EPHA6: variants seen among roughly 807,000 people sequenced by gnomAD.
The protein encoded by EPHA6 is ephrin type-A receptor 6.
Under a neutral mutation model 112.0 loss-of-function variants are expected in EPHA6, and 50 were observed. The ratio of observed to expected loss-of-function variants is 0.45; its 90% CI spans 0.36 to 0.56. EPHA6 has a LOEUF of 0.56. EPHA6 is among the 20% of genes least tolerant of loss of function. EPHA6 has a pLI of 0.00. For synonymous variants in EPHA6, 529 were observed against 490.7 expected (o/e 1.08, Z -1.03); for missense variants, 1,280 against 1,417.4 (o/e 0.90, Z 1.56).
chr3:97,069,121 T>A lies in EPHA6; in HGVS notation c.1114+81128T>A, dbSNP rs2046275193. 2.0e-5 allele frequency among the ~76,000 whole-genome samples: 3 copies of A among 152,252 alleles called. No homozygotes were observed. In the South Asian group the frequency reaches 6.2e-4, roughly 32 times the overall value. On this transcript the variant is annotated intron_variant, in intron 3 of 17. Coordinates refer to ENST00000389672, the MANE Select transcript of EPHA6 (RefSeq NM_001080448.3). ...TGTAACTTGTGACTACCCCACAGTT[T>A]AACTACTAATAGCCTACTCGACCAA...
intron 5 of EPHA6, among the ~76,000 whole-genome samples, chr3:97,348,782 G>T (rs1403467307): frequency 6.6e-6 from 1 of 152,002 alleles, no homozygotes; most frequent in Non-Finnish European, 1.5e-5. Flanking sequence ...AGGATAGTCT[G>T]GGAGCATAGA....
chr3:97,550,818 C>T (rs1370136553), intron 11 of EPHA6, among the ~76,000 whole-genome samples: 1 of 151,226 alleles, frequency 6.6e-6, no homozygotes, highest in Non-Finnish European at 1.5e-5. Context: ...TATTGCTAAA[C>T]ACACATTAAG....
Position 97,324,401 on chromosome 3 carries a change from C to CTTTTT in EPHA6, c.1606+80116_1606+80117insTTTTT. ...CAGATTCTAAGATTTCTTTGCTTTC[C>CTTTTT]TTCTTTTCTTTCTTTCTTTCTTTCT... On this transcript the variant is annotated intron_variant, in intron 5 of 17. Transcript: ENST00000389672. 8.5e-5 allele frequency among the ~76,000 whole-genome samples: 12 copies of CTTTTT among 141,298 alleles called. No homozygotes were observed. In the Admixed American group the frequency reaches 8.6e-4, roughly 10 times the overall value. The allele number at this position is 141,298 out of a possible 152,430, so 92.7% of individuals were successfully genotyped here.
At chr3:97,503,288 A>G (rs990575566) in intron 10 of EPHA6, among the ~76,000 whole-genome samples, 1 of 152,194 alleles carries the variant, frequency 6.6e-6, no homozygotes, top group African/African-American at 2.4e-5. Context: ...TGAAAGTTTT[A>G]CGGAACACAT....
intron 3 of EPHA6, among the ~76,000 whole-genome samples, chr3:97,110,806 G>A (rs1026917445): frequency 2.0e-5 from 3 of 152,018 alleles, no homozygotes; most frequent in Non-Finnish European, 4.4e-5. Context: ...TGGGGTTATA[G>A]GTGTGAGCCA....
chr3:97,203,991 A>C (rs1388059909), intron 3 of EPHA6, among the ~76,000 whole-genome samples: 1 of 152,168 alleles, frequency 6.6e-6, no homozygotes, highest in African/African-American at 2.4e-5. Context: ...AAAAATAATA[A>C]ATGAAAAAAA....
intron 3 of EPHA6, among the ~76,000 whole-genome samples, chr3:97,100,946 A>G (rs1410738776): frequency 1.3e-5 from 2 of 152,030 alleles, no homozygotes; most frequent in Admixed American, 1.3e-4. Context: ...CAGCATCTCT[A>G]TTACAGAATG....
intron 5 of EPHA6, among the ~76,000 whole-genome samples, chr3:97,371,636 A>G (rs1167743231): frequency 1.3e-5 from 2 of 152,180 alleles, no homozygotes; most frequent in Non-Finnish European, 2.9e-5. Flanking sequence ...AAAGAACAGG[A>G]TAACAGCAAT....
At chr3:97,581,544 T>A (rs1469295521) in intron 11 of EPHA6, among the ~76,000 whole-genome samples, 1 of 152,240 alleles carries the variant, frequency 6.6e-6, no homozygotes, top group Non-Finnish European at 1.5e-5. Context: ...GTGATAATTT[T>A]ACACATGATA....
intron 5 of EPHA6, among the ~76,000 whole-genome samples, chr3:97,298,886 A>G (rs1410760420): frequency 6.6e-6 from 1 of 152,152 alleles, no homozygotes; most frequent in Non-Finnish European, 1.5e-5. Flanking sequence ...ATCTACTCCT[A>G]ATAAATATAT....
intron 3 of EPHA6, among the ~76,000 whole-genome samples, chr3:97,083,985 T>A (rs2046806124): frequency 6.6e-6 from 1 of 150,480 alleles, no homozygotes; most frequent in Admixed American, 6.6e-5. Flanking sequence ...TAACAAACAG[T>A]ACAGTGAGTT....
At chr3:97,720,487 C>A in intron 15 of EPHA6, 77 bp downstream of exon 15, 1 of 1,345,790 alleles carries the variant, frequency 7.4e-7, no homozygotes, top group Non-Finnish European at 1.0e-6. Flanking sequence ...TGCCTTTTGT[C>A]CTCACTCAGA....
intron 8 of EPHA6, 107 bp downstream of exon 8, chr3:97,475,567 G>C: frequency 1.4e-6 from 1 of 734,140 alleles, no homozygotes; most frequent in Non-Finnish European, 2.2e-6. Flanking sequence ...CTGAGGTCGA[G>C]AGGGATCCCA....
intron 3 of EPHA6, among the ~76,000 whole-genome samples, chr3:97,177,565 G>T (rs1216915285): frequency 6.6e-6 from 1 of 151,584 alleles, no homozygotes; most frequent in Admixed American, 6.6e-5. Flanking sequence ...TCCAGTGTTT[G>T]GTTCATATAT....
chr3:96,941,269 C>T (rs576391337), intron 2 of EPHA6, among the ~76,000 whole-genome samples: 1 of 152,288 alleles, frequency 6.6e-6, no homozygotes, highest in South Asian at 2.1e-4. Context: ...TTCACATAGT[C>T]CCATATTTCC....
chr3:97,020,780 A>G (rs760914238), intron 3 of EPHA6, among the ~76,000 whole-genome samples: 12 of 152,182 alleles, frequency 7.9e-5, no homozygotes, highest in East Asian at 1.9e-4. Flanking sequence ...AATTGTTTTT[A>G]TATAATTTGC....
intron 5 of EPHA6, among the ~76,000 whole-genome samples, chr3:97,255,510 A>C (rs1484583380): frequency 6.6e-6 from 1 of 152,206 alleles, no homozygotes; most frequent in Non-Finnish European, 1.5e-5. Flanking sequence ...TGTTTATTCC[A>C]TAAAATCTGT....
intron 14 of EPHA6, among the ~76,000 whole-genome samples, chr3:97,715,970 AG>A (rs1406169197): frequency 2.0e-5 from 3 of 152,206 alleles, no homozygotes; most frequent in Non-Finnish European, 2.9e-5. Flanking sequence ...CTGTAAGAGA[AG>A]TATTAGTAAA....
chr3:97,165,461 T>G (rs1035009355), intron 3 of EPHA6, among the ~76,000 whole-genome samples: 4 of 152,122 alleles, frequency 2.6e-5, no homozygotes, highest in African/African-American at 9.7e-5. Flanking sequence ...ATATCACTAT[T>G]TGGTGAGCTG....
Sources: gnomAD v4.1 joint callset for allele counts (sites outside exome capture counted in the v4.1 genomes callset) on GRCh38, gnomAD v4.1.1 for gene constraint, MANE v1.5 for transcripts, NCBI Gene and HGNC (gene_info 2026-07-23, HGNC 2026-07-21) for gene names.